The following IPCEF1 variants were observed in gnomAD, a reference collection of about 807,000 sequenced individuals.
IPCEF1 encodes interactor protein for cytohesin exchange factors 1.
In IPCEF1, 31 loss-of-function variants were observed where a neutral mutation model predicts 50.9. The ratio of observed to expected loss-of-function variants is 0.61; its 90% CI spans 0.46 to 0.82. The LOEUF (loss-of-function observed/expected upper bound fraction) is 0.82. Ranked by LOEUF, IPCEF1 falls within the 40% of genes least tolerant of loss-of-function variation. The pLI, the probability that IPCEF1 is intolerant of heterozygous loss-of-function variation, is 0.00. For synonymous variants in IPCEF1, 181 were observed against 192.0 expected, an observed-to-expected ratio of 0.94 and a Z score of 0.47; for missense variants, 458 against 514.0, an observed-to-expected ratio of 0.89 and a Z score of 1.05.
chr6:154,294,334 TG>T (rs1782584920), intron 1 of IPCEF1, among the ~76,000 whole-genome samples: 1 of 152,130 alleles, frequency 6.6e-6, no homozygotes, highest in Non-Finnish European at 1.5e-5. Context: ...AATCAAACTA[TG>T]TAACCACTTG....
At chr6:154,335,353 A>G (rs963157039) in intron 1 of IPCEF1, among the ~76,000 whole-genome samples, 3 of 152,270 alleles carry the variant, frequency 2.0e-5, no homozygotes, top group South Asian at 2.1e-4. Context: ...CTGAACCCCA[A>G]TGGGGAATGG....
intron 10 of IPCEF1, among the ~76,000 whole-genome samples, chr6:154,188,426 T>A (rs1025745801): frequency 1.3e-5 from 2 of 152,238 alleles, no homozygotes; most frequent in African/African-American, 4.8e-5. Context: ...CGATTTCTGT[T>A]TCCCCCAGAT....
intron 10 of IPCEF1, among the ~76,000 whole-genome samples, chr6:154,192,318 C>CCGTGTGTGTG (rs1554291318): frequency 6.8e-6 from 1 of 148,030 alleles, no homozygotes; most frequent in African/African-American, 2.5e-5. Flanking sequence ...CACGTGGTTA[C>CCGTGTGTGTG]TGTGTGTGTG....
In IPCEF1 at chr6:154,176,799, G is replaced by GA. The variant is rs1459218057; in HGVS notation, c.911-8687dup. Among the ~76,000 whole-genome samples the GA allele has an allele frequency of 6.6e-5, 10 of 152,110 alleles. No individual in the cohort carries two copies. The East Asian group carries it at 9.7e-4, about 15-fold the overall frequency. ...CTCCCACTGACTCTTCACAGAATTGGAAAAAACTACTTTAAATTTCATATG... is the reference window on the plus strand; with the variant it reads ...CTCCCACTGACTCTTCACAGAATTGGAAAAAAACTACTTTAAATTTCATATG... On this transcript the variant is annotated intron_variant, in intron 10 of 11. Coordinates refer to ENST00000367220, the MANE Select transcript of IPCEF1 (RefSeq NM_001130700.2).
intron 6 of IPCEF1, 147 bp from the exon 7 acceptor site, chr6:154,221,475 C>T: frequency 3.0e-6 from 2 of 661,668 alleles, no homozygotes; most frequent in South Asian, 2.0e-5. Flanking sequence ...TATTAGATAC[C>T]TATTGTCTAG....
chr6:154,247,406 C>T (rs567401827), intron 4 of IPCEF1, 43 bp downstream of exon 4: 1 of 1,544,538 alleles, frequency 6.5e-7, no homozygotes, highest in Non-Finnish European at 8.9e-7. Context: ...CCACACTCAA[C>T]GTACACAAAA....
chr6:154,289,970 C>A (rs1434314612), intron 1 of IPCEF1, among the ~76,000 whole-genome samples: 1 of 152,136 alleles, frequency 6.6e-6, no homozygotes, highest in African/African-American at 2.4e-5. Context: ...CCACCACCAC[C>A]ACCCAGGAAT....
At chr6:154,256,603 C>T (rs1261771722) in intron 3 of IPCEF1, among the ~76,000 whole-genome samples, 3 of 151,800 alleles carry the variant, frequency 2.0e-5, no homozygotes, top group Admixed American at 6.6e-5. Context: ...CACACACACA[C>T]ACTCTCACTT....
intron 10 of IPCEF1, among the ~76,000 whole-genome samples, chr6:154,185,196 G>C (rs1256669499): frequency 6.6e-6 from 1 of 152,168 alleles, no homozygotes; most frequent in Non-Finnish European, 1.5e-5. Flanking sequence ...AGAAAACAGA[G>C]CCTAGCAAGG....
At chr6:154,216,058 G>A (rs1402512891) in intron 7 of IPCEF1, among the ~76,000 whole-genome samples, 1 of 152,092 alleles carries the variant, frequency 6.6e-6, no homozygotes. Flanking sequence ...TTCTGAGCAG[G>A]CAATTTGATG....
At chr6:154,165,243 CAGA>C (rs1799332963) in intron 11 of IPCEF1, among the ~76,000 whole-genome samples, 1 of 152,164 alleles carries the variant, frequency 6.6e-6, no homozygotes, top group African/African-American at 2.4e-5. Flanking sequence ...ACCAGGGTCA[CAGA>C]AGGACCCGCA....
At chr6:154,207,708 T>C (rs1234182314) in intron 9 of IPCEF1, among the ~76,000 whole-genome samples, 3 of 152,240 alleles carry the variant, frequency 2.0e-5, no homozygotes, top group African/African-American at 7.2e-5. Flanking sequence ...GGCCACAGTT[T>C]GCAGGATTTA....
At chr6:154,160,687 G>A (rs539928797) in intron 11 of IPCEF1, among the ~76,000 whole-genome samples, 7 of 152,178 alleles carry the variant, frequency 4.6e-5, no homozygotes, top group Middle Eastern at 3.4e-3. Context: ...GTCTAGCTCA[G>A]GTTAGAGTTT....
chr6:154,272,718 G>T (rs1307253328), intron 2 of IPCEF1, among the ~76,000 whole-genome samples: 1 of 152,142 alleles, frequency 6.6e-6, no homozygotes, highest in Non-Finnish European at 1.5e-5. Flanking sequence ...TAAACCAAGT[G>T]TGTTTTAGCC....
intron 11 of IPCEF1, 45 bp from the exon 12 acceptor site, chr6:154,160,085 CTT>C: frequency 7.0e-7 from 1 of 1,426,770 alleles, no homozygotes; most frequent in East Asian, 2.3e-5. Flanking sequence ...TTGAGAGTGT[CTT>C]AATTTACATA....
At chr6:154,213,400 T>C (rs1367486491) in intron 8 of IPCEF1, 1 of 155,446 alleles carries the variant, frequency 6.4e-6, no homozygotes, top group East Asian at 1.9e-4. Flanking sequence ...AGTTTTGTAC[T>C]AACTCACAAT....
rs1782526769 is a variant in IPCEF1 at position 154,291,924 on chromosome 6, C to G, written c.-61-2168G>C. Among the ~76,000 whole-genome samples, 3 of 152,042 alleles carry G rather than the reference C, an allele frequency of 2.0e-5. No homozygotes were observed. The South Asian group carries it at 6.2e-4, about 31-fold the overall frequency. On this transcript the variant is annotated intron_variant, in intron 1 of 11. Transcript: ENST00000367220. ...GGTCTGGATCTCCTGACCTCGTGAT[C>G]CACCCGCCTCGGCCTCCCAAAGTGC...
Position 154,299,899 on chromosome 6 carries a change from C to T in IPCEF1, c.-61-10143G>A, listed in dbSNP as rs1263315349. Among the ~76,000 whole-genome samples, 5 of 137,108 alleles carry T rather than the reference C, an allele frequency of 3.6e-5. 1 individual carries two copies. The highest frequency in any genetic ancestry group is 8.2e-5 in the Non-Finnish European group (5 of 61,210). The allele number at this position is 137,108 out of a possible 152,430, so 89.9% of individuals were successfully genotyped here. A position where few individuals can be genotyped will look rare whatever the true frequency, so the allele number is the denominator to read the frequency against. On this transcript the variant is annotated intron_variant, in intron 1 of 11. Transcript: ENST00000367220. ...GTAGTCTATGACTTAAAAAAAAAAA[C>T]TTGGAAAACTGTGAATCTATACTCT...
intron 5 of IPCEF1, among the ~76,000 whole-genome samples, chr6:154,230,653 T>G (rs562834427): frequency 1.3e-5 from 2 of 152,336 alleles, no homozygotes; most frequent in South Asian, 4.1e-4. Flanking sequence ...TATAGGAAAC[T>G]GTCATGTAGT....
Sources: allele counts gnomAD v4.1 joint callset (sites outside exome capture counted in the v4.1 genomes callset), GRCh38; gene constraint gnomAD v4.1.1; transcripts MANE v1.5; gene names NCBI Gene and HGNC (gene_info 2026-07-23, HGNC 2026-07-21).